The following DAPK3 variants were observed in gnomAD, a reference collection of about 807,000 sequenced individuals.
DAPK3 encodes the protein death associated protein kinase 3.
A neutral mutation model predicts 30.6 loss-of-function variants in DAPK3; 24 were observed. The observed-to-expected ratio is 0.78, with a 90% CI of 0.57 to 1.10. The LOEUF (loss-of-function observed/expected upper bound fraction) is 1.10. DAPK3 is among the 50% of genes least tolerant of loss of function. The probability of loss-of-function intolerance (pLI) is 0.00; values close to 1 mark genes in which losing one functional copy is unlikely to be tolerated. For synonymous variants in DAPK3, 341 were observed against 284.0 expected (o/e 1.20, Z -2.02); for missense variants, 629 against 657.3 (o/e 0.96, Z 0.47).
chr19:3,958,991 C>T lies in DAPK3; in HGVS notation c.*110G>A. 1.4e-6 allele frequency: 1 copy of T among 702,598 alleles called. No homozygotes were observed. The highest frequency in any genetic ancestry group is 2.3e-6 in the Non-Finnish European group (1 of 439,178). The allele number at this position is 702,598 out of a possible 1,614,324, so 43.5% of individuals were successfully genotyped here. Reference sequence around the variant, plus strand: ...TCCCACTCCGCCTCCAGCCTGGTGGCGCTGGGCAAGGACAGGCACCCGGGC... The same window carrying T: ...TCCCACTCCGCCTCCAGCCTGGTGGTGCTGGGCAAGGACAGGCACCCGGGC... On this transcript the variant is annotated 3_prime_UTR_variant, in exon 9 of 9. Transcript: ENST00000545797.
chr19:3,966,276 G>A (rs565970093), intron 2 of DAPK3, among the ~76,000 whole-genome samples: 14 of 152,140 alleles, frequency 9.2e-5, no homozygotes, highest in South Asian at 2.1e-4. Flanking sequence ...CCGGCTCCAC[G>A]CTGTCTCCTG....
At chr19:3,960,366 G>C (rs190936246) in intron 7 of DAPK3, among the ~76,000 whole-genome samples, 149 of 152,226 alleles carry the variant, frequency 9.8e-4, no homozygotes, top group Non-Finnish European at 1.6e-3. Context: ...GGAGGCCTAC[G>C]AGTGAGGGCT....
chr19:3,966,723 CA>C, intron 2 of DAPK3, among the ~76,000 whole-genome samples: 1 of 152,338 alleles, frequency 6.6e-6, no homozygotes, highest in East Asian at 1.9e-4. Flanking sequence ...CACACCTGGA[CA>C]ACCTGGTTCT....
At chr19:3,967,368 G>A (rs550489792) in intron 2 of DAPK3, among the ~76,000 whole-genome samples, 2 of 152,170 alleles carry the variant, frequency 1.3e-5, no homozygotes, top group East Asian at 1.9e-4. Context: ...AAGGAGAATC[G>A]CTTGAACCTG....
chr19:3,959,946 C>G (rs755309919), intron 8 of DAPK3, 113 bp downstream of exon 8: 11 of 780,986 alleles, frequency 1.4e-5, no homozygotes, highest in South Asian at 2.8e-5. Context: ...GGGACCCTCC[C>G]CAGCCACTGG....
In DAPK3 at chr19:3,964,356, C is replaced by T. The variant is rs1174196435; in HGVS notation, c.441G>A (p.Leu147=). The T allele has an allele frequency of 6.2e-7, 1 of 1,613,140 alleles. No individual in the cohort carries two copies. Among genetic ancestry groups the T allele is most frequent in the Non-Finnish European group, 8.5e-7 (1 of 1,179,238 alleles). Residue 147 remains leucine (L), a synonymous_variant, in exon 4 of 9, where the codon CTG becomes CTA. Coordinates refer to ENST00000545797, the MANE Select transcript of DAPK3 (RefSeq NM_001348.3). ...GTGGGTTGGGCACGTTCTTGTCCAGCAGCATGATGTTTTCCGGCTGGGGTG... is the reference window on the plus strand; with the variant it reads ...GTGGGTTGGGCACGTTCTTGTCCAGTAGCATGATGTTTTCCGGCTGGGGTG... ...HFDLKPENIM[L]LDKNVPNPRI...
chr19:3,964,263 G>C lies in DAPK3; in HGVS notation c.534C>G (p.Phe178Leu). 6.2e-7 allele frequency: 1 copy of C among 1,612,946 alleles called. No individual in the cohort carries two copies. Among genetic ancestry groups the C allele is most frequent in the Non-Finnish European group, 8.5e-7 (1 of 1,179,154 alleles). Reference protein sequence around the residue: ...IEAGNEFKNIFGTPEFVAPEI... With the variant: ...IEAGNEFKNILGTPEFVAPEI... Reference sequence around the variant, plus strand: ...CCTCACCCACAAACTCCGGGGTGCCGAAGATGTTCTTGAACTCGTTCCCCG... The same window carrying C: ...CCTCACCCACAAACTCCGGGGTGCCCAAGATGTTCTTGAACTCGTTCCCCG... Residue 178 changes from phenylalanine to leucine, a missense_variant, in exon 4 of 9, where the codon TTC becomes TTG. Transcript: ENST00000545797.
intron 4 of DAPK3, 84 bp downstream of exon 4, chr19:3,964,160 A>G: frequency 8.1e-7 from 1 of 1,237,722 alleles, no homozygotes; most frequent in Non-Finnish European, 1.1e-6. Flanking sequence ...GGCACCCAGC[A>G]CCGGGCATGA....
rs932030802 is a variant in DAPK3 at position 3,969,844 on chromosome 19, G to A, written c.-94-15C>T. ...TAATGGCAACCCTGGAGAAGACAGG[G>A]AAAGACAGAAGTGAGGAACTGAGAC... On this transcript the variant is annotated splice_polypyrimidine_tract_variant and intron_variant, in intron 1 of 8. Coordinates refer to ENST00000545797, the MANE Select transcript of DAPK3 (RefSeq NM_001348.3). The A allele has an allele frequency of 4.0e-6, 3 of 743,840 alleles. No individual in the cohort carries two copies. Among genetic ancestry groups the A allele is most frequent in the African/African-American group, 1.7e-5 (1 of 57,820 alleles). 46.1% of individuals were successfully genotyped at this position (743,840 alleles called of 1,614,324 possible). A position where few individuals can be genotyped will look rare whatever the true frequency, so the allele number is the denominator to read the frequency against.
At chr19:3,960,029 C>A (rs757299505) in intron 8 of DAPK3, 30 bp downstream of exon 8, 2 of 1,303,226 alleles carry the variant, frequency 1.5e-6, no homozygotes, top group South Asian at 2.4e-5. Flanking sequence ...AGGCGGGAAG[C>A]CCAGGGAGCT....
chr19:3,959,978 T>A (rs1045650546), intron 8 of DAPK3, 81 bp downstream of exon 8: 2 of 851,834 alleles, frequency 2.3e-6, no homozygotes, highest in Admixed American at 3.5e-5. Flanking sequence ...TCCACAAGCC[T>A]TAAATGCTGA....
intron 4 of DAPK3, 95 bp from the exon 5 acceptor site, chr19:3,964,014 G>T: frequency 1.1e-6 from 1 of 906,286 alleles, no homozygotes; most frequent in Non-Finnish European, 1.8e-6. Context: ...CTCACATGTC[G>T]CAGCCCTTGG....
intron 1 of DAPK3, 115 bp downstream of exon 1, chr19:3,970,806 A>C (rs1468312295): frequency 6.6e-6 from 1 of 152,512 alleles, no homozygotes; most frequent in African/African-American, 2.4e-5. Flanking sequence ...CCCGCCCCCA[A>C]GGCCTTGCCC....
Position 3,964,648 on chromosome 19 carries a change from C to A in DAPK3, c.406G>T (p.Ala136Ser), listed in dbSNP as rs756550520. ...GGGCTCACCTTCAGGTCAAAGTGTG[C>A]GATGCGCTTAGAGTGCAGGTAGTGA... ...GVHYLHSKRI[A>S]HFDLKPENIM... The change falls in exon 3 of 9, where the codon GCA becomes TCA. Residue 136 changes from alanine (A) to serine (S), a missense_variant. This residue lies in a region of DAPK3 where 306 missense variants were observed against 378.5 expected (regional missense o/e 0.81). Coordinates refer to ENST00000545797, the MANE Select transcript of DAPK3 (RefSeq NM_001348.3). The A allele has an allele frequency of 1.4e-6, 2 of 1,419,010 alleles. No individual in the cohort carries two copies. The highest frequency in any genetic ancestry group is 3.8e-5 in the East Asian group (1 of 26,500). 87.9% of individuals were successfully genotyped at this position (1,419,010 alleles called of 1,614,324 possible).
At chr19:3,960,587 T>C (rs1406524556) in intron 7 of DAPK3, among the ~76,000 whole-genome samples, 4 of 151,978 alleles carry the variant, frequency 2.6e-5, no homozygotes, top group Non-Finnish European at 5.9e-5. Context: ...AAGACAAGCC[T>C]GGGCAACATG....
chr19:3,964,074 C>T (rs1191356345), intron 4 of DAPK3, among the ~76,000 whole-genome samples, 155 bp from the exon 5 acceptor site: 1 of 152,172 alleles, frequency 6.6e-6, no homozygotes. Context: ...GGTAGGACAG[C>T]GGGGCTGCAC....
At chr19:3,965,194 G>A (rs2039564844) in intron 2 of DAPK3, among the ~76,000 whole-genome samples, 1 of 152,204 alleles carries the variant, frequency 6.6e-6, no homozygotes, top group East Asian at 1.9e-4. Context: ...CATCAGACGC[G>A]GCGTTCCCAC....
intron 2 of DAPK3, 129 bp downstream of exon 2, chr19:3,969,545 C>T (rs762017719): frequency 1.7e-6 from 1 of 579,434 alleles, no homozygotes. Context: ...CGTTCCCCCA[C>T]CGCATGATAC....
At chr19:3,962,707 G>T (rs1485547144) in intron 6 of DAPK3, among the ~76,000 whole-genome samples, 1 of 145,302 alleles carries the variant, frequency 6.9e-6, no homozygotes, top group East Asian at 2.1e-4. Context: ...AACCCGGGAG[G>T]CAGAGGTTGC....
Sources: allele counts gnomAD v4.1 joint callset (sites outside exome capture counted in the v4.1 genomes callset), GRCh38; gene constraint gnomAD v4.1.1; regional missense constraint gnomAD v4.1.1; transcripts MANE v1.5; gene names NCBI Gene and HGNC (gene_info 2026-07-23, HGNC 2026-07-21).